The following ADGRL3 variants were observed in gnomAD, a reference collection of about 807,000 sequenced individuals.
The protein encoded by ADGRL3 is calcium-independent alpha-latrotoxin receptor 3.
A neutral mutation model predicts 153.5 loss-of-function variants in ADGRL3; 62 were observed. That is an observed-to-expected ratio of 0.40 (90% CI 0.33 to 0.50). The LOEUF (loss-of-function observed/expected upper bound fraction) is 0.50, where lower values mean the gene tolerates loss of function less well. Among genes scored for constraint, ADGRL3 ranks in the 20% least tolerant of loss-of-function variants. ADGRL3 has a pLI of 0.47. For missense variants in ADGRL3, 1,641 were observed against 1,859.4 expected (o/e 0.88, Z 2.16); for synonymous variants, 710 against 672.5 (o/e 1.06, Z -0.86).
chr4:61,576,041 C>T (rs1412454205), intron 4 of ADGRL3, among the ~76,000 whole-genome samples: 1 of 151,946 alleles, frequency 6.6e-6, no homozygotes, highest in Non-Finnish European at 1.5e-5. Context: ...AGCCTTTTCA[C>T]CGGTTTCCTG....
intron 2 of ADGRL3, among the ~76,000 whole-genome samples, chr4:61,483,843 G>A (rs967386141): frequency 6.6e-6 from 1 of 150,556 alleles, no homozygotes; most frequent in African/African-American, 2.4e-5. Context: ...GTAGTTATAT[G>A]TACATTTATA....
chr4:61,516,099 G>T (rs1290216909), intron 3 of ADGRL3, among the ~76,000 whole-genome samples: 4 of 151,950 alleles, frequency 2.6e-5, no homozygotes, highest in African/African-American at 9.7e-5. Flanking sequence ...TTCCATTATA[G>T]ATATATTGTT....
In ADGRL3 at chr4:62,020,664, A is replaced by G. The variant is rs571920269; in HGVS notation, c.3396-8191A>G. Among the ~76,000 whole-genome samples the G allele has an allele frequency of 1.7e-4, 26 of 152,250 alleles. No individual in the cohort carries two copies. The South Asian group carries it at 4.8e-3, about 28-fold the overall frequency. On this transcript the variant is annotated intron_variant, in intron 21 of 26. Coordinates refer to ENST00000683033, the MANE Select transcript of ADGRL3 (RefSeq NM_001387552.1). ...CAAAGTTTTGAAAAGTCATAAGAAA[A>G]AAACATTAAACGATCAAATTCTGGA...
At chr4:61,390,834 T>C (rs929360506) in intron 2 of ADGRL3, among the ~76,000 whole-genome samples, 2 of 152,164 alleles carry the variant, frequency 1.3e-5, no homozygotes, top group Non-Finnish European at 2.9e-5. Flanking sequence ...AAACTCTGCC[T>C]CTGCCCCTAA....
chr4:61,579,210 G>A (rs1462270727), intron 4 of ADGRL3, among the ~76,000 whole-genome samples: 4 of 152,042 alleles, frequency 2.6e-5, no homozygotes, highest in African/African-American at 7.2e-5. Flanking sequence ...CAGCATCCAC[G>A]TTGTAAGGGA....
intron 1 of ADGRL3, among the ~76,000 whole-genome samples, chr4:61,297,814 T>TCACTACCGTCGCCACCAC (rs2094459000): frequency 6.6e-6 from 1 of 151,762 alleles, no homozygotes; most frequent in Non-Finnish European, 1.5e-5. Flanking sequence ...ACCGCCACCG[T>TCACTACCGTCGCCACCAC]CACTACCGTC....
At position 61,730,624 on chromosome 4, in the gene ADGRL3, G is replaced by T; in HGVS notation, c.586G>T (p.Val196Leu). The T allele has an allele frequency of 1.8e-6, 1 of 565,954 alleles. No individual in the cohort carries two copies. Among genetic ancestry groups the T allele is most frequent in the Non-Finnish European group, 2.9e-6 (1 of 339,356 alleles). 35.1% of individuals were successfully genotyped at this position (565,954 alleles called of 1,614,324 possible). ...EVQYECVPYK[V>L]EQKVFLCPGL... Reference sequence around the variant, plus strand: ...CTTTACTTCTCTCTCTCCAATAGAAGTGGAACAAAAAGGTAATTAAATACC... The same window carrying T: ...CTTTACTTCTCTCTCTCCAATAGAATTGGAACAAAAAGGTAATTAAATACC... The change falls in exon 7 of 27, where the codon GTG becomes TTG. Residue 196 changes from valine (V) to leucine (L), a missense_variant and splice_region_variant. Around this residue, in one of 5 missense-constraint regions of ADGRL3, gnomAD observed 213 missense variants for 362.1 expected, o/e 0.59. Coordinates refer to ENST00000683033, the MANE Select transcript of ADGRL3 (RefSeq NM_001387552.1).
At chr4:61,651,341 A>C (rs967868937) in intron 5 of ADGRL3, among the ~76,000 whole-genome samples, 1 of 152,206 alleles carries the variant, frequency 6.6e-6, no homozygotes. Context: ...TAAATCATAA[A>C]ATATCACTAA....
chr4:62,014,270 A>C (rs1416021425), intron 21 of ADGRL3, among the ~76,000 whole-genome samples: 1 of 152,164 alleles, frequency 6.6e-6, no homozygotes, highest in Non-Finnish European at 1.5e-5. Flanking sequence ...TGTGCTCCTC[A>C]GGGAAAGTGC....
At chr4:61,328,493 A>G (rs1284390392) in intron 1 of ADGRL3, among the ~76,000 whole-genome samples, 1 of 152,132 alleles carries the variant, frequency 6.6e-6, no homozygotes, top group Admixed American at 6.6e-5. Flanking sequence ...GACTTAAGGC[A>G]TTTTTATAGG....
At chr4:62,007,356 TTATATATATATATATATA>T (rs71666906) in intron 21 of ADGRL3, among the ~76,000 whole-genome samples, 2 of 30,914 alleles carry the variant, frequency 6.5e-5, no homozygotes, top group African/African-American at 2.5e-4. Flanking sequence ...GACAAAATGA[TTATATATATATATATATA>T]TATATATATA....
chr4:61,586,904 T>C (rs1168013099), intron 4 of ADGRL3, among the ~76,000 whole-genome samples: 1 of 152,088 alleles, frequency 6.6e-6, no homozygotes, highest in Non-Finnish European at 1.5e-5. Context: ...TATCTGACTG[T>C]ATAAACTGGA....
At chr4:61,316,913 T>C (rs1164422949) in intron 1 of ADGRL3, among the ~76,000 whole-genome samples, 1 of 152,214 alleles carries the variant, frequency 6.6e-6, no homozygotes, top group Non-Finnish European at 1.5e-5. Context: ...CTGGAAACTA[T>C]GTAAAAAGGA....
chr4:61,620,099 C>A (rs1379591339), intron 5 of ADGRL3, among the ~76,000 whole-genome samples: 1 of 151,332 alleles, frequency 6.6e-6, no homozygotes, highest in East Asian at 1.9e-4. Context: ...TGGCTTTATG[C>A]TTCTTCCTTT....
chr4:61,843,212 T>C (rs2098060587), intron 9 of ADGRL3, among the ~76,000 whole-genome samples: 1 of 152,174 alleles, frequency 6.6e-6, no homozygotes. Context: ...AATGGTGATG[T>C]CATTTCTAAG....
chr4:61,580,027 C>T (rs2098917125), intron 4 of ADGRL3, among the ~76,000 whole-genome samples: 1 of 151,974 alleles, frequency 6.6e-6, no homozygotes, highest in Non-Finnish European at 1.5e-5. Context: ...GGAGAAAATA[C>T]ATGTATTTAA....
chr4:61,698,454 AAACAAC>A (rs567818894), intron 6 of ADGRL3, among the ~76,000 whole-genome samples: 19 of 151,882 alleles, frequency 1.3e-4, no homozygotes, highest in African/African-American at 1.2e-4. Context: ...CATCTCAAAC[AAACAAC>A]AACAACAACA....
chr4:61,796,974 A>G (rs1176413294), intron 8 of ADGRL3, among the ~76,000 whole-genome samples: 1 of 152,148 alleles, frequency 6.6e-6, no homozygotes, highest in African/African-American at 2.4e-5. Context: ...TATCTTTAGC[A>G]TTTCTAAAGT....
intron 5 of ADGRL3, among the ~76,000 whole-genome samples, chr4:61,675,492 C>T (rs1358639826): frequency 2.0e-5 from 3 of 151,706 alleles, no homozygotes; most frequent in African/African-American, 7.3e-5. Context: ...AATTAGTCCA[C>T]TGTGAGTATG....
Sources: gnomAD v4.1 joint callset for allele counts (sites outside exome capture counted in the v4.1 genomes callset) on GRCh38, gnomAD v4.1.1 for gene constraint, gnomAD v4.1.1 regional missense constraint, MANE v1.5 for transcripts, NCBI Gene and HGNC (gene_info 2026-07-23, HGNC 2026-07-21) for gene names.